The following LNX1 variants were observed in gnomAD, a reference collection of about 807,000 sequenced individuals.
LNX1 encodes E3 ubiquitin-protein ligase LNX.
LNX1 carries 54 observed loss-of-function variants against 68.4 expected under a neutral mutation model. The ratio of observed to expected loss-of-function variants is 0.79; its 90% CI spans 0.63 to 0.99. The LOEUF is 0.99. Among genes scored for constraint, LNX1 ranks in the 50% least tolerant of loss-of-function variants. The pLI is 0.00. For synonymous variants in LNX1, 336 were observed against 350.0 expected (o/e 0.96, Z 0.45); for missense variants, 906 against 926.4 (o/e 0.98, Z 0.29).
chr4:53,527,177 C>A (rs1410343590), intron 2 of LNX1, among the ~76,000 whole-genome samples: 5 of 151,888 alleles, frequency 3.3e-5, no homozygotes, highest in Admixed American at 3.3e-4. Flanking sequence ...TCAGCACCAA[C>A]ATCAGTTTCT....
intron 9 of LNX1, among the ~76,000 whole-genome samples, chr4:53,465,446 T>C (rs1309171311): frequency 6.6e-6 from 1 of 152,230 alleles, no homozygotes; most frequent in Non-Finnish European, 1.5e-5. Flanking sequence ...TTATTTAGTT[T>C]GGCTGACATC....
intron 1 of LNX1, among the ~76,000 whole-genome samples, chr4:53,588,043 G>T (rs1732285593): frequency 6.6e-6 from 1 of 152,160 alleles, no homozygotes; most frequent in Non-Finnish European, 1.5e-5. Context: ...CATGACCTAA[G>T]ATGTCTAACT....
intron 9 of LNX1, among the ~76,000 whole-genome samples, chr4:53,471,719 A>T (rs1356143015): frequency 9.2e-5 from 14 of 152,246 alleles, no homozygotes; most frequent in African/African-American, 3.4e-4. Flanking sequence ...TTATGCAGCC[A>T]ACAGACACAT....
intron 2 of LNX1, among the ~76,000 whole-genome samples, chr4:53,558,750 G>T (rs901443069): frequency 6.6e-6 from 1 of 152,106 alleles, no homozygotes; most frequent in African/African-American, 2.4e-5. Flanking sequence ...CTTCTCCCTG[G>T]GGGGAATGAA....
intron 2 of LNX1, among the ~76,000 whole-genome samples, chr4:53,604,331 C>G (rs1274367799): frequency 6.6e-6 from 1 of 152,088 alleles, no homozygotes; most frequent in Non-Finnish European, 1.5e-5. Context: ...GAACTGAGAC[C>G]AAAGAGAAGT....
At chr4:53,612,493 G>A (rs1733534593) in intron 2 of LNX1, among the ~76,000 whole-genome samples, 1 of 152,236 alleles carries the variant, frequency 6.6e-6, no homozygotes, top group East Asian at 1.9e-4. Flanking sequence ...TGTAATGGAG[G>A]ATAGCTGAAT....
intron 2 of LNX1, among the ~76,000 whole-genome samples, chr4:53,597,049 G>T (rs1173238792): frequency 1.3e-5 from 2 of 151,964 alleles, no homozygotes; most frequent in Non-Finnish European, 2.9e-5. Flanking sequence ...TTCACTTTAG[G>T]TCCATCTAGC....
intron 1 of LNX1, among the ~76,000 whole-genome samples, chr4:53,640,351 G>T (rs1435326103): frequency 2.6e-5 from 4 of 152,188 alleles, no homozygotes; most frequent in Admixed American, 6.5e-5. Flanking sequence ...CCTTAGCTGT[G>T]GAACAGGCCG....
chr4:53,536,262 C>T (rs191077033), intron 2 of LNX1, among the ~76,000 whole-genome samples: 2 of 152,280 alleles, frequency 1.3e-5, no homozygotes, highest in East Asian at 1.9e-4. Flanking sequence ...ATGGGAAATA[C>T]CTAACAATTT....
chr4:53,573,968 G>T lies in LNX1; in HGVS notation c.35C>A (p.Pro12His). 2 of 1,613,214 alleles carry T rather than the reference G, an allele frequency of 1.2e-6. No individual in the cohort carries two copies. The highest frequency in any genetic ancestry group is 1.1e-5 in the South Asian group (1 of 90,880). Residue 12 changes from proline (P) to histidine (H), a missense_variant, in exon 2 of 11, where the codon CCC becomes CAC. Coordinates refer to ENST00000263925, the MANE Select transcript of LNX1 (RefSeq NM_001126328.3). ...NQPESANDPE[P>H]LCAVCGQAHS... ...GGCTTGGCCACACACTGCACACAGG[G>T]GTTCAGGATCGTTGGCAGACTCTGG... is the stretch of plus-strand genomic sequence containing the variant.
At chr4:53,544,828 T>A (rs2109673183) in intron 2 of LNX1, among the ~76,000 whole-genome samples, 1 of 152,316 alleles carries the variant, frequency 6.6e-6, no homozygotes, top group Non-Finnish European at 1.5e-5. Flanking sequence ...TCCATGAGGT[T>A]GATGCAATGA....
chr4:53,604,298 T>C (rs998714165), intron 2 of LNX1, among the ~76,000 whole-genome samples: 3 of 152,188 alleles, frequency 2.0e-5, no homozygotes, highest in South Asian at 2.1e-4. Context: ...TTAAGCTGGA[T>C]AGAGAATGTT....
upstream of LNX1, among the ~76,000 whole-genome samples, chr4:53,619,699 A>G (rs562885839): frequency 3.3e-5 from 5 of 152,306 alleles, no homozygotes; most frequent in South Asian, 4.2e-4. Context: ...ACAAGAACCA[A>G]TGTTTTCAAT....
chr4:53,642,880 C>G (rs979080757), intron 1 of LNX1, among the ~76,000 whole-genome samples: 1 of 152,156 alleles, frequency 6.6e-6, no homozygotes, highest in Non-Finnish European at 1.5e-5. Flanking sequence ...CTCTGAGGAC[C>G]GTTATGGTCG....
intron 1 of LNX1, among the ~76,000 whole-genome samples, chr4:53,583,474 G>A (rs1279171955): frequency 2.6e-5 from 4 of 151,978 alleles, no homozygotes; most frequent in East Asian, 1.9e-4. Flanking sequence ...CAATGATCTC[G>A]AAGAGGGACT....
upstream of LNX1, among the ~76,000 whole-genome samples, chr4:53,619,048 A>G (rs188900198): frequency 3.4e-3 from 515 of 152,108 alleles, 2 homozygotes; most frequent in Non-Finnish European, 5.9e-3. Context: ...ACTGCACTCG[A>G]CCTCACTTTA....
chr4:53,535,457 A>G (rs1040664475), intron 2 of LNX1, among the ~76,000 whole-genome samples: 10 of 152,260 alleles, frequency 6.6e-5, no homozygotes, highest in African/African-American at 2.4e-4. Flanking sequence ...GCAAGGGTAC[A>G]TGACAAATCA....
rs1437298594 is a variant in LNX1, at chr4:53,496,298, G to T, written c.1075C>A (p.Gln359Lys). ...CCATTGTTCCTGCTGCGGAACTTCT[G>T]TTCACGCATCACAGTCAGCCACAGC... is the stretch of plus-strand genomic sequence containing the variant. ...QVLWLTVMREQKFRSRNNGQA... is the reference protein window; with the variant it reads ...QVLWLTVMREKKFRSRNNGQA... The change falls in exon 6 of 11, where the codon CAG becomes AAG. Residue 359 changes from glutamine (Q) to lysine (K), a missense_variant. Gln to Lys is a moderately conservative substitution (Grantham distance 53). Transcript: ENST00000263925. The T allele has an allele frequency of 6.2e-7, 1 of 1,614,174 alleles. No individual in the cohort carries two copies. The highest frequency in any genetic ancestry group is 1.1e-5 in the South Asian group (1 of 91,078).
At chr4:53,521,381 C>T (rs369705482) in intron 2 of LNX1, among the ~76,000 whole-genome samples, 16 of 152,194 alleles carry the variant, frequency 1.1e-4, no homozygotes, top group Non-Finnish European at 2.1e-4. Context: ...TGCATTCCAT[C>T]GCATTCTCAG....
Sources: gnomAD v4.1 joint callset for allele counts (sites outside exome capture counted in the v4.1 genomes callset) on GRCh38, gnomAD v4.1.1 for gene constraint, MANE v1.5 for transcripts, NCBI Gene and HGNC (gene_info 2026-07-23, HGNC 2026-07-21) for gene names.